The following HTR1F variants were observed in gnomAD, a reference collection of about 807,000 sequenced individuals.
The protein encoded by HTR1F is 5-hydroxytryptamine receptor 1F, also known as 5-hydroxytryptamine (serotonin) receptor 1F, G protein-coupled.
Under a neutral mutation model 24.0 loss-of-function variants are expected in HTR1F, and 17 were observed. The observed-to-expected ratio is 0.71, with a 90% CI of 0.48 to 1.06. The LOEUF (loss-of-function observed/expected upper bound fraction) is 1.06. Among genes scored for constraint, HTR1F ranks in the 50% least tolerant of loss-of-function variants. The pLI is 0.00. For synonymous variants in HTR1F, 186 were observed against 156.8 expected (o/e 1.19, Z -1.39); for missense variants, 391 against 427.8 (o/e 0.91, Z 0.76).
chr3:87,798,675 A>G (rs1703945912), intron 1 of HTR1F, among the ~76,000 whole-genome samples: 1 of 151,292 alleles, frequency 6.6e-6, no homozygotes, highest in Non-Finnish European at 1.5e-5. Flanking sequence ...GCCGGATTCC[A>G]CTCCCACGAT....
At chr3:87,850,186 T>C (rs997911089) in intron 2 of HTR1F, among the ~76,000 whole-genome samples, 15 of 151,864 alleles carry the variant, frequency 9.9e-5, no homozygotes, top group African/African-American at 3.4e-4. Context: ...CTATTCACAA[T>C]AGCAAAGACG....
intron 2 of HTR1F, among the ~76,000 whole-genome samples, chr3:87,891,797 A>G (rs1007427297): frequency 6.6e-6 from 1 of 152,198 alleles, no homozygotes; most frequent in African/African-American, 2.4e-5. Flanking sequence ...TATGTCTTGT[A>G]TGTCACATTC....
intron 2 of HTR1F, among the ~76,000 whole-genome samples, chr3:87,826,083 T>C (rs1559596301): frequency 6.6e-6 from 1 of 152,196 alleles, no homozygotes; most frequent in East Asian, 1.9e-4. Flanking sequence ...AATTTCCTTC[T>C]TGCATTCTCC....
At chr3:87,819,081 C>T (rs1299738426) in intron 1 of HTR1F, among the ~76,000 whole-genome samples, 4 of 152,176 alleles carry the variant, frequency 2.6e-5, no homozygotes, top group African/African-American at 9.7e-5. Context: ...CACTGTGAAA[C>T]ACAGTTCAGT....
At position 87,931,707 on chromosome 3, in the gene HTR1F, G is replaced by T. The variant is rs533745493; in HGVS notation, c.-42-59001G>T. Among the ~76,000 whole-genome samples, 3 of 152,006 alleles carry T rather than the reference G, an allele frequency of 2.0e-5. No individual in the cohort carries two copies. The South Asian group carries it at 6.2e-4, about 32-fold the overall frequency. ...CTATTTCTGCACATCCTCTCCAGCA[G>T]CTGTTGTTTCCTGATTTTTAATGAT... is the stretch of plus-strand genomic sequence containing the variant. On this transcript the variant is annotated intron_variant, in intron 2 of 2. Coordinates refer to ENST00000319595, the MANE Select transcript of HTR1F (RefSeq NM_001322209.2).
At chr3:87,966,838 A>C (rs1341405040) in intron 2 of HTR1F, among the ~76,000 whole-genome samples, 2 of 152,154 alleles carry the variant, frequency 1.3e-5, no homozygotes, top group Non-Finnish European at 2.9e-5. Context: ...GCTTCCCCAC[A>C]ACAAGACATA....
chr3:87,925,045 A>G (rs1252731845), intron 2 of HTR1F, among the ~76,000 whole-genome samples: 1 of 151,536 alleles, frequency 6.6e-6, no homozygotes, highest in Non-Finnish European at 1.5e-5. Context: ...CTAAGTCCCA[A>G]AGGTTTTATT....
chr3:87,836,643 T>C (rs1261166697), intron 2 of HTR1F, among the ~76,000 whole-genome samples: 1 of 152,172 alleles, frequency 6.6e-6, no homozygotes, highest in African/African-American at 2.4e-5. Flanking sequence ...ATATTCAGAA[T>C]GTCCCAATCT....
At chr3:87,882,078 A>T (rs529228227) in intron 2 of HTR1F, among the ~76,000 whole-genome samples, 1 of 152,366 alleles carries the variant, frequency 6.6e-6, no homozygotes, top group East Asian at 1.9e-4. Flanking sequence ...TCAAAAGAGG[A>T]CATTTATGCA....
Position 87,993,213 on chromosome 3 carries a change from A to G in HTR1F, c.*1363A>G, listed in dbSNP as rs1347402201. 1.2e-5 allele frequency: 2 copies of G among 166,830 alleles called. No homozygotes were observed. The highest frequency in any genetic ancestry group is 2.9e-5 in the Non-Finnish European group (2 of 68,064). 10.3% of individuals were successfully genotyped at this position (166,830 alleles called of 1,614,324 possible). A position where few individuals can be genotyped will look rare whatever the true frequency, so the allele number is the denominator to read the frequency against. On this transcript the variant is annotated 3_prime_UTR_variant, in exon 3 of 3. Coordinates refer to ENST00000319595, the MANE Select transcript of HTR1F (RefSeq NM_001322209.2). The stretch of plus-strand genomic sequence containing the variant: ...ATTCCTTCCTGATGGTGTGGTTAAG[A>G]GTACATTACATCAATTTTATGTATA...
At chr3:87,839,505 G>A (rs1333350506) in intron 2 of HTR1F, among the ~76,000 whole-genome samples, 2 of 151,906 alleles carry the variant, frequency 1.3e-5, no homozygotes, top group East Asian at 1.9e-4. Context: ...TTCCTACTTC[G>A]CTCTTTTCAC....
At chr3:87,983,588 A>G (rs375577697) in intron 2 of HTR1F, among the ~76,000 whole-genome samples, 204 of 152,178 alleles carry the variant, frequency 1.3e-3, no homozygotes, top group African/African-American at 4.6e-3. Context: ...ATGCTGGCCT[A>G]TTTTCTCAGC....
intron 2 of HTR1F, among the ~76,000 whole-genome samples, chr3:87,884,889 A>G (rs1273796176): frequency 1.3e-5 from 2 of 152,146 alleles, no homozygotes; most frequent in Admixed American, 1.3e-4. Flanking sequence ...CTCCCACACA[A>G]TAATAATGGG....
chr3:87,893,928 A>G (rs976154434), intron 2 of HTR1F, among the ~76,000 whole-genome samples: 5 of 151,928 alleles, frequency 3.3e-5, no homozygotes, highest in Non-Finnish European at 7.4e-5. Context: ...TTTTATCCAA[A>G]TCATCTTCCT....
chr3:87,955,471 GT>G, intron 2 of HTR1F, among the ~76,000 whole-genome samples: 1 of 151,446 alleles, frequency 6.6e-6, no homozygotes, highest in African/African-American at 2.4e-5. Flanking sequence ...GTTGTTTCTA[GT>G]TTGAGGCTAT....
chr3:87,946,627 ATTTT>A (rs113993620), intron 2 of HTR1F, among the ~76,000 whole-genome samples: 2 of 129,150 alleles, frequency 1.5e-5, no homozygotes, highest in South Asian at 4.5e-4. Context: ...ATATATATAT[ATTTT>A]TTTTTTTTTT....
intron 2 of HTR1F, among the ~76,000 whole-genome samples, chr3:87,960,848 G>A (rs779787257): frequency 2.0e-5 from 3 of 151,966 alleles, no homozygotes; most frequent in Non-Finnish European, 2.9e-5. Flanking sequence ...TTATATGGTG[G>A]TAGACTGCTT....
chr3:87,856,559 T>G (rs1181124559), intron 2 of HTR1F, among the ~76,000 whole-genome samples: 2 of 152,140 alleles, frequency 1.3e-5, no homozygotes, highest in African/African-American at 4.8e-5. Flanking sequence ...AATATTGACT[T>G]GACATTTATA....
At chr3:87,942,451 G>A (rs1170058852) in intron 2 of HTR1F, among the ~76,000 whole-genome samples, 10 of 152,212 alleles carry the variant, frequency 6.6e-5, no homozygotes, top group Middle Eastern at 3.4e-3. Context: ...TGACGGCATC[G>A]GCTGGCGCTT....
Sources: allele counts gnomAD v4.1 joint callset (sites outside exome capture counted in the v4.1 genomes callset), GRCh38; gene constraint gnomAD v4.1.1; transcripts MANE v1.5; gene names NCBI Gene and HGNC (gene_info 2026-07-23, HGNC 2026-07-21).